Variants in CNIH3 observed in about 807,000 individuals in gnomAD.
CNIH3 encodes cornichon family AMPA receptor auxiliary protein 3, also known as protein cornichon homolog 3.
Under a neutral mutation model 24.1 loss-of-function variants are expected in CNIH3, and 14 were observed. That is an observed-to-expected ratio of 0.58 (90% CI 0.38 to 0.91). The LOEUF (loss-of-function observed/expected upper bound fraction) is 0.91. Among genes scored for constraint, CNIH3 ranks in the 40% least tolerant of loss-of-function variants. The pLI is 0.00. For synonymous variants in CNIH3, 68 were observed against 73.8 expected (o/e 0.92, Z 0.40); for missense variants, 178 against 196.8 (o/e 0.90, Z 0.57).
At chr1:224,646,561 A>G (rs1353091637) in intron 1 of CNIH3, among the ~76,000 whole-genome samples, 1 of 152,098 alleles carries the variant, frequency 6.6e-6, no homozygotes, top group Non-Finnish European at 1.5e-5. Context: ...GTGTGCCTCC[A>G]CGCCCAGCTA....
chr1:224,556,178 CTTT>C (rs112250509), intron 3 of CNIH3, among the ~76,000 whole-genome samples: 6 of 141,640 alleles, frequency 4.2e-5, no homozygotes, highest in African/African-American at 5.1e-5. Context: ...GTTTTCCTAT[CTTT>C]TTTTTTTTTT....
intron 1 of CNIH3, among the ~76,000 whole-genome samples, chr1:224,502,825 G>T (rs910308957): frequency 6.6e-6 from 1 of 152,210 alleles, no homozygotes; most frequent in Non-Finnish European, 1.5e-5. Flanking sequence ...GGAAGCCGTG[G>T]ATTTAAACAC....
intron 1 of CNIH3, among the ~76,000 whole-genome samples, chr1:224,485,094 G>A (rs764724883): frequency 6.6e-6 from 1 of 152,084 alleles, no homozygotes; most frequent in East Asian, 1.9e-4. Flanking sequence ...ATATTTTTGA[G>A]CTTTATTTTG....
At chr1:224,484,290 C>T (rs573539789) in intron 1 of CNIH3, among the ~76,000 whole-genome samples, 17 of 151,540 alleles carry the variant, frequency 1.1e-4, no homozygotes, top group South Asian at 4.2e-4. Context: ...ATTAGCCGGG[C>T]GCGGTAGTGG....
rs760629848 is a variant in CNIH3, at chr1:224,636,584, G to A, written c.81+19329G>A. 4.6e-5 allele frequency among the ~76,000 whole-genome samples: 7 copies of A among 152,192 alleles called. 1 individual carries two copies. The South Asian group carries it at 6.2e-4, about 14-fold the overall frequency. On this transcript the variant is annotated intron_variant, in intron 1 of 5. Coordinates refer to ENST00000272133, the MANE Select transcript of CNIH3 (RefSeq NM_152495.2). ...TGTGCCAGCACCTCTGTTAAAATGAGTTCCTTTAAGGAGCCAAATAAAGTT... is the reference window on the plus strand; with the variant it reads ...TGTGCCAGCACCTCTGTTAAAATGAATTCCTTTAAGGAGCCAAATAAAGTT...
downstream of CNIH3, among the ~76,000 whole-genome samples, chr1:224,592,700 G>A (rs1164619132): frequency 6.6e-6 from 1 of 152,174 alleles, no homozygotes; most frequent in Non-Finnish European, 1.5e-5. Context: ...AAGGGCAGAG[G>A]GCAGAAATGG....
chr1:224,688,783 G>A (rs974516586), intron 3 of CNIH3, among the ~76,000 whole-genome samples: 15 of 151,424 alleles, frequency 9.9e-5, no homozygotes, highest in Non-Finnish European at 1.9e-4. Flanking sequence ...AAATTAGTCG[G>A]GCGTGGTGGT....
intron 1 of CNIH3, among the ~76,000 whole-genome samples, chr1:224,623,749 G>A (rs1029334268): frequency 1.1e-4 from 17 of 152,086 alleles, no homozygotes; most frequent in African/African-American, 4.1e-4. Flanking sequence ...CTCATCTGAG[G>A]CCACTTCCTC....
chr1:224,565,151 T>C (rs932921637), intron 3 of CNIH3, among the ~76,000 whole-genome samples: 11 of 152,238 alleles, frequency 7.2e-5, no homozygotes, highest in African/African-American at 1.9e-4. Context: ...CTCCTCTTAA[T>C]ATATAATGGA....
chr1:224,616,638 G>T lies in CNIH3; in HGVS notation c.-537G>T. 1 of 987,958 alleles carries T rather than the reference G, an allele frequency of 1.0e-6. No homozygotes were observed. Among genetic ancestry groups the T allele is most frequent in the Non-Finnish European group, 1.2e-6 (1 of 831,812 alleles). 61.2% of individuals were successfully genotyped at this position (987,958 alleles called of 1,614,324 possible). ...TTCTCTCGGGAAAGAGCGCTGCCCG[G>T]CTCTGGGATTTGGGAGGAGCTCGGA... On this transcript the variant is annotated 5_prime_UTR_variant, in exon 1 of 6. Transcript: ENST00000272133.
chr1:224,649,326 A>G (rs2125102672), intron 1 of CNIH3, among the ~76,000 whole-genome samples: 1 of 152,296 alleles, frequency 6.6e-6, no homozygotes, highest in East Asian at 1.9e-4. Flanking sequence ...GGAAAAGGCA[A>G]GGAAATGGCT....
intron 1 of CNIH3, chr1:224,661,728 A>G (rs905605172): frequency 9.1e-5 from 18 of 198,068 alleles, no homozygotes; most frequent in Non-Finnish European, 1.7e-4. Context: ...ATCTGACAGC[A>G]CCTCACGTCT....
At chr1:224,504,632 A>G (rs931219107) in intron 1 of CNIH3, among the ~76,000 whole-genome samples, 2 of 151,792 alleles carry the variant, frequency 1.3e-5, no homozygotes, top group Non-Finnish European at 1.5e-5. Context: ...CACTAGTCCA[A>G]CCCCACCTTA....
At chr1:224,731,583 C>A (rs1351856996) in intron 4 of CNIH3, among the ~76,000 whole-genome samples, 1 of 152,216 alleles carries the variant, frequency 6.6e-6, no homozygotes, top group East Asian at 1.9e-4. Flanking sequence ...GACATGCACT[C>A]CTTCATTTAG....
chr1:224,629,891 A>G (rs1572619815), intron 1 of CNIH3, among the ~76,000 whole-genome samples: 1 of 152,246 alleles, frequency 6.6e-6, no homozygotes, highest in East Asian at 2.0e-4. Context: ...TACATTTCTT[A>G]GAAACTTCAC....
At chr1:224,583,705 T>C (rs912124620) in intron 5 of CNIH3, among the ~76,000 whole-genome samples, 4 of 152,182 alleles carry the variant, frequency 2.6e-5, no homozygotes, top group Non-Finnish European at 5.9e-5. Flanking sequence ...AGTAGGTCTG[T>C]TGTAGAGCCT....
chr1:224,654,828 A>G (rs1685022569), intron 1 of CNIH3, among the ~76,000 whole-genome samples: 1 of 152,164 alleles, frequency 6.6e-6, no homozygotes, highest in East Asian at 1.9e-4. Flanking sequence ...TCTAGGCCAA[A>G]CTAATTCCAA....
chr1:224,691,642 G>C (rs1303338120), intron 3 of CNIH3, among the ~76,000 whole-genome samples: 1 of 152,184 alleles, frequency 6.6e-6, no homozygotes, highest in African/African-American at 2.4e-5. Context: ...TTGTTTTAAG[G>C]CACTGTATTT....
At position 224,680,976 on chromosome 1, in the gene CNIH3, T is replaced by A; in HGVS notation, c.100T>A (p.Leu34Ile). Residue 34 changes from leucine (L) to isoleucine (I), a missense_variant, in exon 2 of 6, where the codon TTA becomes ATA. Transcript: ENST00000272133. ...AIWHIIAFDELRTDFKSPIDQ... is the reference protein window; with the variant it reads ...AIWHIIAFDEIRTDFKSPIDQ... The stretch of plus-strand genomic sequence containing the variant: ...GTTTCAGATAATTGCCTTTGATGAG[T>A]TAAGGACAGATTTTAAGAGCCCCAT... The A allele has an allele frequency of 6.2e-7, 1 of 1,613,906 alleles. No homozygotes were observed. The highest frequency in any genetic ancestry group is 8.5e-7 in the Non-Finnish European group (1 of 1,179,848).
Sources: gnomAD v4.1 joint callset for allele counts (sites outside exome capture counted in the v4.1 genomes callset) on GRCh38, gnomAD v4.1.1 for gene constraint, MANE v1.5 for transcripts, NCBI Gene and HGNC (gene_info 2026-07-23, HGNC 2026-07-21) for gene names.